MACROD2: variants seen among roughly 807,000 people sequenced by gnomAD.
MACROD2 encodes mono-ADP ribosylhydrolase 2.
Under a neutral mutation model 70.4 loss-of-function variants are expected in MACROD2, and 36 were observed. The ratio of observed to expected loss-of-function variants is 0.51; its 90% confidence interval spans 0.39 to 0.68. The LOEUF (loss-of-function observed/expected upper bound fraction) is 0.68, where lower values mean the gene tolerates loss of function less well. MACROD2 is among the 30% of genes least tolerant of loss of function. The probability of loss-of-function intolerance (pLI) is 0.00; values close to 1 mark genes in which losing one functional copy is unlikely to be tolerated. For missense variants in MACROD2, 496 were observed against 538.4 expected, an observed-to-expected ratio of 0.92 and a Z score of 0.78; for synonymous variants, 172 against 178.8, an observed-to-expected ratio of 0.96 and a Z score of 0.30.
At chr20:14,276,280 T>C (rs1568533831) in intron 3 of MACROD2, among the ~76,000 whole-genome samples, 1 of 150,490 alleles carries the variant, frequency 6.6e-6, no homozygotes, top group African/African-American at 2.4e-5. Context: ...ATATACACCA[T>C]GGAATACTAT....
chr20:15,992,935 A>G (rs1218510574), intron 15 of MACROD2, among the ~76,000 whole-genome samples: 2 of 152,194 alleles, frequency 1.3e-5, no homozygotes, highest in African/African-American at 4.8e-5. Flanking sequence ...TTTCACAACT[A>G]ATAAAAAGAT....
chr20:14,959,399 G>A (rs1009280645), intron 5 of MACROD2, among the ~76,000 whole-genome samples: 3 of 152,088 alleles, frequency 2.0e-5, no homozygotes, highest in African/African-American at 7.2e-5. Flanking sequence ...CAAAGTGCTG[G>A]GATTACAGGC....
intron 3 of MACROD2, among the ~76,000 whole-genome samples, chr20:14,404,495 C>CATGGG (rs1375113261): frequency 6.6e-6 from 1 of 151,870 alleles, no homozygotes; most frequent in East Asian, 1.9e-4. Context: ...GGCATGCTGA[C>CATGGG]ACGGGTGCCT....
At chr20:15,577,928 G>A (rs572367047) in intron 8 of MACROD2, among the ~76,000 whole-genome samples, 4 of 152,176 alleles carry the variant, frequency 2.6e-5, no homozygotes, top group Admixed American at 6.6e-5. Flanking sequence ...TATAAGGTCA[G>A]TTACCTTTAG....
intron 8 of MACROD2, among the ~76,000 whole-genome samples, chr20:15,793,351 G>A (rs1395423461): frequency 1.3e-5 from 2 of 152,166 alleles, no homozygotes; most frequent in Non-Finnish European, 2.9e-5. Context: ...AGGTGATACT[G>A]CTGCCTCTGT....
chr20:15,514,038 A>T (rs1600518359), intron 8 of MACROD2, among the ~76,000 whole-genome samples: 1 of 146,038 alleles, frequency 6.8e-6, no homozygotes, highest in East Asian at 2.1e-4. Context: ...AAACAGAAAA[A>T]ACTTACAGAA....
intron 5 of MACROD2, among the ~76,000 whole-genome samples, chr20:15,065,391 C>G (rs918583686): frequency 2.6e-5 from 4 of 152,164 alleles, no homozygotes; most frequent in Non-Finnish European, 5.9e-5. Context: ...CGCGGTGGCT[C>G]ACGCCTGTAA....
intron 2 of MACROD2, among the ~76,000 whole-genome samples, chr20:14,035,455 C>T (rs956734761): frequency 1.3e-5 from 2 of 152,150 alleles, no homozygotes; most frequent in African/African-American, 4.8e-5. Flanking sequence ...ACAGTGTATT[C>T]TCAACTCTCC....
rs959478743 is a variant in MACROD2, at chr20:15,555,326, C to T, written c.645+55479C>T. Among the ~76,000 whole-genome samples the T allele has an allele frequency of 3.3e-5, 5 of 152,268 alleles. No homozygotes were observed. The South Asian group carries it at 1.0e-3, about 32-fold the overall frequency. On this transcript the variant is annotated intron_variant, in intron 8 of 17. Transcript: ENST00000684519. ...GTCATAATGGGATTTGAAAGCTGTC[C>T]TGCTTGTAGACTATCATTTGAACTT...
At chr20:14,834,866 A>G (rs966713905) in intron 5 of MACROD2, among the ~76,000 whole-genome samples, 4 of 151,924 alleles carry the variant, frequency 2.6e-5, no homozygotes, top group African/African-American at 7.3e-5. Flanking sequence ...ATATATTTAT[A>G]TGTGTGTATA....
intron 5 of MACROD2, among the ~76,000 whole-genome samples, chr20:15,123,641 A>G (rs1156486408): frequency 1.3e-5 from 2 of 152,210 alleles, no homozygotes; most frequent in Non-Finnish European, 2.9e-5. Flanking sequence ...AAAAAATTGA[A>G]ATCACGTGTG....
intron 2 of MACROD2, among the ~76,000 whole-genome samples, chr20:14,013,674 CT>C (rs34386274): frequency 4.8e-3 from 342 of 70,970 alleles, no homozygotes; most frequent in Middle Eastern, 0.018. Flanking sequence ...TTATATTAAG[CT>C]TTTTTTTTTT....
chr20:14,295,573 C>A (rs940113735), intron 3 of MACROD2, among the ~76,000 whole-genome samples: 2 of 151,114 alleles, frequency 1.3e-5, no homozygotes, highest in African/African-American at 4.9e-5. Flanking sequence ...TGTGGGGGGG[C>A]TGGGGGGAGT....
At chr20:15,104,074 A>G (rs1285228063) in intron 5 of MACROD2, among the ~76,000 whole-genome samples, 1 of 152,134 alleles carries the variant, frequency 6.6e-6, no homozygotes, top group Non-Finnish European at 1.5e-5. Flanking sequence ...GGACCTACTC[A>G]TGTTGAAATA....
chr20:14,162,126 C>T (rs964587626), intron 3 of MACROD2, among the ~76,000 whole-genome samples: 45 of 152,014 alleles, frequency 3.0e-4, no homozygotes, highest in African/African-American at 9.9e-4. Flanking sequence ...CATCCTTGAC[C>T]GAGTGGTCAT....
At chr20:15,899,683 C>T (rs1301179948) in intron 10 of MACROD2, among the ~76,000 whole-genome samples, 1 of 152,170 alleles carries the variant, frequency 6.6e-6, no homozygotes, top group Non-Finnish European at 1.5e-5. Flanking sequence ...AAAGCACTAG[C>T]ACTTTGACTC....
intron 16 of MACROD2, among the ~76,000 whole-genome samples, chr20:16,042,992 G>T (rs1181294740): frequency 6.6e-6 from 1 of 151,994 alleles, no homozygotes; most frequent in Non-Finnish European, 1.5e-5. Context: ...GGAGATACAG[G>T]CTGTTGGTTT....
intron 5 of MACROD2, among the ~76,000 whole-genome samples, chr20:14,686,174 T>C (rs1251470804): frequency 6.6e-6 from 1 of 152,154 alleles, no homozygotes; most frequent in East Asian, 1.9e-4. Context: ...ATAATACAGA[T>C]TGAGTATTCC....
intron 8 of MACROD2, among the ~76,000 whole-genome samples, chr20:15,829,484 A>G (rs1801600102): frequency 6.6e-6 from 1 of 152,134 alleles, no homozygotes; most frequent in South Asian, 2.1e-4. Flanking sequence ...ACTACGTGTA[A>G]TGACAACTGT....
Sources: gnomAD v4.1 joint callset for allele counts (sites outside exome capture counted in the v4.1 genomes callset) on GRCh38, gnomAD v4.1.1 for gene constraint, MANE v1.5 for transcripts, NCBI Gene and HGNC (gene_info 2026-07-23, HGNC 2026-07-21) for gene names.